Variants in ANKS1B observed in about 807,000 individuals in gnomAD.
ANKS1B encodes the protein ankyrin repeat and sterile alpha motif domain-containing protein 1B.
In ANKS1B, 36 loss-of-function variants were observed where a neutral mutation model predicts 148.3. The observed-to-expected ratio is 0.24, with a 90% CI of 0.19 to 0.32. ANKS1B has a LOEUF of 0.32. Among genes scored for constraint, ANKS1B ranks in the 10% least tolerant of loss-of-function variants. ANKS1B has a pLI of 1.00. For synonymous variants in ANKS1B, 542 were observed against 560.8 expected (o/e 0.97, Z 0.47); for missense variants, 1,157 against 1,542.6 (o/e 0.75, Z 4.19).
intron 15 of ANKS1B, among the ~76,000 whole-genome samples, chr12:99,108,930 C>T (rs1007884228): frequency 6.6e-6 from 1 of 152,110 alleles, no homozygotes; most frequent in South Asian, 2.1e-4. Flanking sequence ...ATACATGGTA[C>T]TGATCACTCA....
At chr12:99,930,476 C>A (rs897443899) in intron 1 of ANKS1B, among the ~76,000 whole-genome samples, 4 of 152,128 alleles carry the variant, frequency 2.6e-5, no homozygotes, top group African/African-American at 9.7e-5. Flanking sequence ...TTTTCCTAAT[C>A]GAATATCCTC....
At chr12:99,966,477 G>A (rs1468867581) in intron 1 of ANKS1B, among the ~76,000 whole-genome samples, 1 of 152,078 alleles carries the variant, frequency 6.6e-6, no homozygotes, top group African/African-American at 2.4e-5. Context: ...CTGACTCATG[G>A]TCGGATTTAG....
At chr12:99,671,796 C>G (rs2098539211) in intron 8 of ANKS1B, among the ~76,000 whole-genome samples, 1 of 152,066 alleles carries the variant, frequency 6.6e-6, no homozygotes, top group South Asian at 2.1e-4. Flanking sequence ...GTATGTGGTA[C>G]TACTCCAGAT....
intron 17 of ANKS1B, among the ~76,000 whole-genome samples, chr12:98,911,832 G>T (rs2099787214): frequency 6.6e-6 from 1 of 152,196 alleles, no homozygotes; most frequent in African/African-American, 2.4e-5. Context: ...AGCAGAGGAA[G>T]AAATAAGCAT....
chr12:99,536,304 G>A (rs1000371002), intron 9 of ANKS1B, among the ~76,000 whole-genome samples: 3 of 152,110 alleles, frequency 2.0e-5, no homozygotes, highest in African/African-American at 7.2e-5. Context: ...GATAATGGGG[G>A]AAGCTACACA....
intron 17 of ANKS1B, among the ~76,000 whole-genome samples, chr12:98,953,682 TG>T (rs1412801957): frequency 6.6e-6 from 1 of 151,922 alleles, no homozygotes; most frequent in East Asian, 1.9e-4. Flanking sequence ...ATTTCACTGG[TG>T]TTCATTTTGT....
chr12:99,576,325 C>G (rs748521282), intron 9 of ANKS1B, among the ~76,000 whole-genome samples: 7 of 151,778 alleles, frequency 4.6e-5, no homozygotes, highest in Non-Finnish European at 8.9e-5. Context: ...CCCACTAGAT[C>G]ATTGAGACAA....
intron 1 of ANKS1B, among the ~76,000 whole-genome samples, chr12:99,983,893 G>A (rs2095745618): frequency 6.6e-6 from 1 of 152,174 alleles, no homozygotes; most frequent in Non-Finnish European, 1.5e-5. Flanking sequence ...CGCATTGATG[G>A]AAGGCTATTT....
intron 20 of ANKS1B, among the ~76,000 whole-genome samples, chr12:98,807,547 T>C (rs748723294): frequency 6.6e-6 from 1 of 152,180 alleles, no homozygotes; most frequent in Non-Finnish European, 1.5e-5. Context: ...CCCTTTTCTT[T>C]TTCCTGTAAA....
chr12:99,935,700 T>C (rs560355290), intron 1 of ANKS1B, among the ~76,000 whole-genome samples: 1 of 152,262 alleles, frequency 6.6e-6, no homozygotes, highest in East Asian at 1.9e-4. Flanking sequence ...TGAATCTTTC[T>C]AACTTCAGAG....
intron 12 of ANKS1B, among the ~76,000 whole-genome samples, chr12:99,314,164 A>G (rs2154027414): frequency 6.6e-6 from 1 of 152,362 alleles, no homozygotes; most frequent in East Asian, 1.9e-4. Context: ...ACTCCCATTC[A>G]CAATTGCTAC....
chr12:99,546,085 AG>A (rs1384190141), intron 9 of ANKS1B, among the ~76,000 whole-genome samples: 4 of 152,116 alleles, frequency 2.6e-5, no homozygotes, highest in African/African-American at 9.7e-5. Context: ...GTTGAATGGA[AG>A]GATTAAAATA....
At chr12:99,916,493 C>A (rs184735462) in intron 1 of ANKS1B, among the ~76,000 whole-genome samples, 4 of 152,126 alleles carry the variant, frequency 2.6e-5, no homozygotes, top group Admixed American at 2.6e-4. Flanking sequence ...CAACTGGTCA[C>A]GTACCTGGTC....
At position 99,433,029 on chromosome 12, in the gene ANKS1B, G is replaced by A. The variant is rs1323934911; in HGVS notation, c.1575+10644C>T. On this transcript the variant is annotated intron_variant, in intron 11 of 26. Transcript: ENST00000683438. ...ATGTGGCCAAGTTACAAAAGGACAA[G>A]AGCACAATAATCAATGCCAGTAACA... 7.2e-5 allele frequency among the ~76,000 whole-genome samples: 11 copies of A among 152,162 alleles called. 1 individual carries two copies. Among genetic ancestry groups the A allele is most frequent in the Admixed American group, 3.3e-4 (5 of 15,270 alleles).
chr12:99,251,203 CAGTT>C (rs1252264553), intron 12 of ANKS1B, among the ~76,000 whole-genome samples: 12 of 152,252 alleles, frequency 7.9e-5, no homozygotes, highest in East Asian at 7.7e-4. Context: ...AGAAGTAAAA[CAGTT>C]AGAACAATAT....
chr12:99,606,418 G>A (rs551973374), intron 9 of ANKS1B, among the ~76,000 whole-genome samples: 3 of 151,492 alleles, frequency 2.0e-5, no homozygotes, highest in African/African-American at 7.3e-5. Flanking sequence ...ATAACTTTTA[G>A]TAACTTAATT....
intron 12 of ANKS1B, among the ~76,000 whole-genome samples, chr12:99,339,477 T>G (rs745468601): frequency 6.6e-6 from 1 of 152,174 alleles, no homozygotes; most frequent in African/African-American, 2.4e-5. Context: ...TAAAACCAGG[T>G]ACTGTGATTG....
intron 17 of ANKS1B, among the ~76,000 whole-genome samples, chr12:99,037,011 T>C (rs968149300): frequency 2.0e-5 from 3 of 152,178 alleles, no homozygotes; most frequent in Non-Finnish European, 4.4e-5. Context: ...ATGCATCTTA[T>C]AATAGATGGT....
chr12:99,865,594 T>C (rs2090633334), intron 1 of ANKS1B, among the ~76,000 whole-genome samples: 1 of 152,150 alleles, frequency 6.6e-6, no homozygotes, highest in Admixed American at 6.5e-5. Flanking sequence ...GAAATTTGTT[T>C]ACATGCAACA....
Sources: allele counts gnomAD v4.1 joint callset (sites outside exome capture counted in the v4.1 genomes callset), GRCh38; gene constraint gnomAD v4.1.1; transcripts MANE v1.5; gene names NCBI Gene and HGNC (gene_info 2026-07-23, HGNC 2026-07-21).